The following LRP1B variants were observed in gnomAD, a reference collection of about 807,000 sequenced individuals.
LRP1B encodes the protein low-density lipoprotein receptor-related protein 1B.
Under a neutral mutation model 556.6 loss-of-function variants are expected in LRP1B, and 217 were observed. That is an observed-to-expected ratio of 0.39 (90% confidence interval 0.35 to 0.44). The LOEUF is 0.44. Ranked by LOEUF, LRP1B falls within the 20% of genes least tolerant of loss-of-function variation. The pLI is 1.00. For missense variants in LRP1B, 5,053 were observed against 5,620.8 expected (o/e 0.90, Z 3.23); for synonymous variants, 2,047 against 1,865.8 (o/e 1.10, Z -2.50).
chr2:141,940,982 A>C (rs1481087627), intron 1 of LRP1B, among the ~76,000 whole-genome samples: 2 of 152,196 alleles, frequency 1.3e-5, no homozygotes, highest in African/African-American at 2.4e-5. Context: ...TTAGAGTTAC[A>C]AATGAATAAC....
intron 84 of LRP1B, among the ~76,000 whole-genome samples, chr2:140,288,162 T>TC (rs1683229908): frequency 6.6e-6 from 1 of 150,994 alleles, no homozygotes. Flanking sequence ...TTTTTTTTTT[T>TC]CCTTGACAGC....
intron 2 of LRP1B, among the ~76,000 whole-genome samples, chr2:141,759,519 A>C (rs1694454325): frequency 6.6e-6 from 1 of 152,180 alleles, no homozygotes; most frequent in Non-Finnish European, 1.5e-5. Context: ...AGAAAGTGGA[A>C]ATATTCAAAG....
intron 3 of LRP1B, among the ~76,000 whole-genome samples, chr2:141,271,865 CA>C (rs1685106101): frequency 6.6e-6 from 1 of 150,698 alleles, no homozygotes; most frequent in African/African-American, 2.4e-5. Context: ...ATTTATAAAG[CA>C]ATTATGTAAA....
chr2:140,239,786 AC>A (rs1680870016), intron 87 of LRP1B, among the ~76,000 whole-genome samples: 1 of 150,888 alleles, frequency 6.6e-6, no homozygotes, highest in Non-Finnish European at 1.5e-5. Flanking sequence ...TAGAGATCTG[AC>A]TTTTTTGTTG....
At chr2:140,278,739 C>G (rs183398990) in intron 84 of LRP1B, among the ~76,000 whole-genome samples, 3 of 151,992 alleles carry the variant, frequency 2.0e-5, no homozygotes, top group Non-Finnish European at 2.9e-5. Flanking sequence ...ATTTTTTCCC[C>G]TCTAAAAATG....
chr2:141,174,442 G>T (rs1680647748), intron 7 of LRP1B, among the ~76,000 whole-genome samples: 1 of 152,072 alleles, frequency 6.6e-6, no homozygotes, highest in Admixed American at 6.6e-5. Context: ...ATTGGATCAT[G>T]TGGGCAGATT....
chr2:142,020,235 T>C (rs1703287165), intron 1 of LRP1B, among the ~76,000 whole-genome samples: 4 of 152,110 alleles, frequency 2.6e-5, no homozygotes, highest in Admixed American at 2.6e-4. Context: ...TGTCAGAAAT[T>C]AGGTGACATT....
intron 84 of LRP1B, among the ~76,000 whole-genome samples, chr2:140,276,652 C>T (rs1258492901): frequency 6.6e-6 from 1 of 151,914 alleles, no homozygotes; most frequent in Non-Finnish European, 1.5e-5. Context: ...TCATAAAAAG[C>T]TCTTTTAATA....
intron 32 of LRP1B, among the ~76,000 whole-genome samples, chr2:140,809,406 A>G (rs1690839836): frequency 6.6e-6 from 1 of 152,188 alleles, no homozygotes; most frequent in South Asian, 2.1e-4. Context: ...GTGTTCTACC[A>G]TAAGTGGGAC....
intron 2 of LRP1B, among the ~76,000 whole-genome samples, chr2:141,683,812 C>A (rs950814524): frequency 6.6e-6 from 1 of 152,182 alleles, no homozygotes; most frequent in Non-Finnish European, 1.5e-5. Context: ...GTTCCACAAC[C>A]TTTGCTAGCG....
At position 140,748,092 on chromosome 2, in the gene LRP1B, AATATATATAT is replaced by A. The variant is rs757456196; in HGVS notation, c.5758+21111_5758+21120del. Among the ~76,000 whole-genome samples, 19 of 6,948 alleles carry A rather than the reference AATATATATAT, an allele frequency of 2.7e-3. No homozygotes were observed. The East Asian group carries it at 0.048, about 18-fold the overall frequency. 4.6% of individuals were successfully genotyped at this position (6,948 alleles called of 152,430 possible). ...TGCTAGGAATTTTTAAAGTCCTATG[AATATATATAT>A]ATATATATATATATATATATATATA... On this transcript the variant is annotated intron_variant, in intron 35 of 90. Transcript: ENST00000389484.
chr2:141,114,825 C>T (rs983680355), intron 7 of LRP1B, among the ~76,000 whole-genome samples: 3 of 151,770 alleles, frequency 2.0e-5, no homozygotes, highest in Non-Finnish European at 4.4e-5. Flanking sequence ...TGTGTGGGTG[C>T]GTCCATATGT....
At chr2:140,549,429 T>G (rs1245084816) in intron 43 of LRP1B, among the ~76,000 whole-genome samples, 3 of 152,160 alleles carry the variant, frequency 2.0e-5, no homozygotes, top group African/African-American at 7.2e-5. Flanking sequence ...TGTATTCAAT[T>G]AAAAGTGAGT....
At chr2:140,447,494 A>C (rs2105309293) in intron 63 of LRP1B, among the ~76,000 whole-genome samples, 1 of 152,204 alleles carries the variant, frequency 6.6e-6, no homozygotes, top group Middle Eastern at 3.4e-3. Context: ...ACTGTACAAA[A>C]TTAAATAAGA....
intron 41 of LRP1B, among the ~76,000 whole-genome samples, chr2:140,685,519 A>C (rs563531538): frequency 6.6e-6 from 1 of 152,222 alleles, no homozygotes; most frequent in Non-Finnish European, 1.5e-5. Flanking sequence ...GGCTGGGTTC[A>C]ATCTAGATAA....
At chr2:141,543,942 C>T (rs1383349201) in intron 2 of LRP1B, among the ~76,000 whole-genome samples, 1 of 152,052 alleles carries the variant, frequency 6.6e-6, no homozygotes, top group Non-Finnish European at 1.5e-5. Context: ...CCCATCCTCC[C>T]CAATCCCAAC....
chr2:140,405,491 G>T (rs1340659639), intron 66 of LRP1B, among the ~76,000 whole-genome samples: 2 of 152,008 alleles, frequency 1.3e-5, no homozygotes, highest in Admixed American at 6.6e-5. Context: ...GAAGAGAAAA[G>T]ATCCAAATAA....
intron 11 of LRP1B, among the ~76,000 whole-genome samples, chr2:141,031,790 C>T (rs1341068255): frequency 1.3e-5 from 2 of 151,396 alleles, no homozygotes; most frequent in Non-Finnish European, 3.0e-5. Flanking sequence ...GCTTAGCAGA[C>T]AAAAGACAAA....
intron 1 of LRP1B, among the ~76,000 whole-genome samples, chr2:141,955,940 G>A (rs1435613): frequency 0.37 from 56,294 of 151,746 alleles, 11,405 homozygotes; most frequent in Admixed American, 0.5. Context: ...GCAGTGGTTC[G>A]CAACTGTAAT....
Sources: allele counts gnomAD v4.1 joint callset (sites outside exome capture counted in the v4.1 genomes callset), GRCh38; gene constraint gnomAD v4.1.1; transcripts MANE v1.5; gene names NCBI Gene and HGNC (gene_info 2026-07-23, HGNC 2026-07-21).